Variants in SLC24A2 observed in about 807,000 individuals in gnomAD.
SLC24A2 encodes sodium/potassium/calcium exchanger 2.
Under a neutral mutation model 62.0 loss-of-function variants are expected in SLC24A2, and 36 were observed. That is an observed-to-expected ratio of 0.58 (90% CI 0.44 to 0.77). The LOEUF is 0.77. Ranked by LOEUF, SLC24A2 falls within the 30% of genes least tolerant of loss-of-function variation. SLC24A2 has a pLI of 0.00. For synonymous variants in SLC24A2, 358 were observed against 294.0 expected (o/e 1.22, Z -2.23); for missense variants, 846 against 817.9 (o/e 1.03, Z -0.42).
At chr9:20,083,148 C>T in the SLC24A2 span, among the ~76,000 whole-genome samples, 2 of 152,232 alleles carry the variant, frequency 1.3e-5, no homozygotes, top group Non-Finnish European at 2.9e-5. Flanking sequence ...CCTCAACTTC[C>T]ACTGTACCTT....
At chr9:19,741,159 C>G (rs1821665423) in intron 2 of SLC24A2, among the ~76,000 whole-genome samples, 1 of 152,110 alleles carries the variant, frequency 6.6e-6, no homozygotes, top group Admixed American at 6.6e-5. Context: ...AAATTGTGTG[C>G]TATTGATTCC....
chr9:19,725,521 G>T (rs1222625423), intron 2 of SLC24A2, among the ~76,000 whole-genome samples: 2 of 152,118 alleles, frequency 1.3e-5, no homozygotes, highest in Non-Finnish European at 2.9e-5. Context: ...GAGGTAAACT[G>T]TCTTCATAAT....
chr9:19,925,323 A>G, the SLC24A2 span, among the ~76,000 whole-genome samples: 1 of 152,212 alleles, frequency 6.6e-6, no homozygotes, highest in East Asian at 1.9e-4. Flanking sequence ...TCATATATAT[A>G]GGCACAGACA....
intron 2 of SLC24A2, 103 bp downstream of exon 2, chr9:19,785,834 A>G: frequency 6.9e-7 from 1 of 1,448,714 alleles, no homozygotes; most frequent in South Asian, 1.2e-5. Context: ...TATCCACAAG[A>G]GCCCCAAACA....
chr9:19,764,291 GT>G (rs1822444291), intron 2 of SLC24A2, among the ~76,000 whole-genome samples: 1 of 152,040 alleles, frequency 6.6e-6, no homozygotes, highest in African/African-American at 2.4e-5. Context: ...TTTTTTGAAG[GT>G]TTTTTTCTGT....
At chr9:19,839,391 A>G in the SLC24A2 span, among the ~76,000 whole-genome samples, 1 of 152,156 alleles carries the variant, frequency 6.6e-6, no homozygotes, top group Non-Finnish European at 1.5e-5. Flanking sequence ...GATGATTTCT[A>G]TTAGGTGTAA....
At chr9:19,652,251 T>C (rs1818822877) in intron 2 of SLC24A2, among the ~76,000 whole-genome samples, 2 of 152,176 alleles carry the variant, frequency 1.3e-5, no homozygotes, top group Admixed American at 1.3e-4. Context: ...TAGAATTTGA[T>C]ATTACCATGG....
chr9:19,760,641 T>G (rs1023260095), intron 2 of SLC24A2, among the ~76,000 whole-genome samples: 2 of 151,896 alleles, frequency 1.3e-5, no homozygotes, highest in Non-Finnish European at 2.9e-5. Flanking sequence ...CTGGTGTTAG[T>G]TTGCTGAAAA....
chr9:20,112,738 C>T, the SLC24A2 span, among the ~76,000 whole-genome samples: 7 of 152,138 alleles, frequency 4.6e-5, no homozygotes, highest in Non-Finnish European at 8.8e-5. Context: ...CCTGGGGACC[C>T]GAGAGGTGGC....
chr9:19,922,736 A>G, the SLC24A2 span, among the ~76,000 whole-genome samples: 12 of 152,240 alleles, frequency 7.9e-5, no homozygotes, highest in African/African-American at 2.9e-4. Context: ...GAAAGGAAAA[A>G]AATCCCTTCT....
chr9:20,125,204 T>C, the SLC24A2 span, among the ~76,000 whole-genome samples: 1 of 152,202 alleles, frequency 6.6e-6, no homozygotes, highest in Non-Finnish European at 1.5e-5. Context: ...ACTTACTATC[T>C]AGGAGAATAA....
upstream of SLC24A2, among the ~76,000 whole-genome samples, chr9:19,792,112 C>A (rs1480012995): frequency 2.0e-5 from 3 of 151,936 alleles, no homozygotes; most frequent in African/African-American, 4.8e-5. Context: ...TGCTAAGCAC[C>A]CATATAATTT....
At chr9:20,253,265 AATATGAATATTAGCTCCAGCCCAGC>A in the SLC24A2 span, among the ~76,000 whole-genome samples, 18 of 152,342 alleles carry the variant, frequency 1.2e-4, no homozygotes, top group East Asian at 2.9e-3. Context: ...CCATTTACAA[AATATGAATATTAGCTCCAGCCCAGC>A]ATACTTTCCA....
In SLC24A2 at chr9:19,516,681, C is replaced by T. The variant is rs1011518098; in HGVS notation, c.1737-279G>A. On this transcript the variant is annotated intron_variant, in intron 10 of 10. Coordinates refer to ENST00000341998, the MANE Select transcript of SLC24A2 (RefSeq NM_020344.4). ...CTGCTGTGGGTGATTTCTACATTTG[C>T]GAATTTGACTGGAAATTATTTTGTT... is the stretch of plus-strand genomic sequence containing the variant. 1.4e-4 allele frequency among the ~76,000 whole-genome samples: 21 copies of T among 152,098 alleles called. 1 individual carries two copies. Among genetic ancestry groups the T allele is most frequent in the East Asian group, 3.9e-4 (2 of 5,188 alleles).
the SLC24A2 span, among the ~76,000 whole-genome samples, chr9:20,051,247 G>A: frequency 3.9e-5 from 6 of 152,106 alleles, no homozygotes; most frequent in Non-Finnish European, 8.8e-5. Flanking sequence ...AACGTTTACT[G>A]AAAACAAAGA....
intron 2 of SLC24A2, among the ~76,000 whole-genome samples, chr9:19,734,050 A>G (rs2118727487): frequency 6.6e-6 from 1 of 152,292 alleles, no homozygotes; most frequent in South Asian, 2.1e-4. Flanking sequence ...ACTAAATAGA[A>G]CAGTTTAGGG....
chr9:19,849,766 C>A, the SLC24A2 span, among the ~76,000 whole-genome samples: 1 of 152,112 alleles, frequency 6.6e-6, no homozygotes, highest in Non-Finnish European at 1.5e-5. Flanking sequence ...TCTGAGAAGA[C>A]ATAAATATAG....
At chr9:20,287,205 T>G in the SLC24A2 span, among the ~76,000 whole-genome samples, 1 of 152,212 alleles carries the variant, frequency 6.6e-6, no homozygotes, top group Non-Finnish European at 1.5e-5. Context: ...TCAACTTCTG[T>G]GACTCAGCAG....
At chr9:20,069,252 T>C in the SLC24A2 span, among the ~76,000 whole-genome samples, 23 of 152,268 alleles carry the variant, frequency 1.5e-4, no homozygotes, top group East Asian at 3.9e-3. Context: ...AATTACATCG[T>C]TTTATTAGCT....
Sources: allele counts gnomAD v4.1 joint callset (sites outside exome capture counted in the v4.1 genomes callset), GRCh38; gene constraint gnomAD v4.1.1; transcripts MANE v1.5; gene names NCBI Gene and HGNC (gene_info 2026-07-23, HGNC 2026-07-21).